FAM83F: variants seen among roughly 807,000 people sequenced by gnomAD.
FAM83F encodes the protein scaffolding CK1 anchoring protein F, also known as protein FAM83F.
Under a neutral mutation model 42.9 loss-of-function variants are expected in FAM83F, and 45 were observed. That is an observed-to-expected ratio of 1.05 (90% confidence interval 0.83 to 1.35). FAM83F has a LOEUF of 1.35. FAM83F is among the 40% of genes most tolerant of loss of function. The pLI is 0.00. For missense variants in FAM83F, 617 were observed against 695.9 expected (o/e 0.89, Z 1.28); for synonymous variants, 306 against 298.3 (o/e 1.03, Z -0.27).
At position 40,024,514 on chromosome 22, in the gene FAM83F, C is replaced by T. The variant is rs559190158; in HGVS notation, c.1453+2551C>T. Among the ~76,000 whole-genome samples the T allele has an allele frequency of 5.1e-4, 77 of 152,322 alleles. No homozygotes were observed. The South Asian group carries it at 0.015, about 29-fold the overall frequency. On this transcript the variant is annotated intron_variant, in intron 4 of 4. Transcript: ENST00000333407. Reference sequence around the variant, plus strand: ...GGGCCCCCATGCAGGGAAAGTGTCCCCTTCCCCTGGTAAATGTTCAGAACC... The same window carrying T: ...GGGCCCCCATGCAGGGAAAGTGTCCTCTTCCCCTGGTAAATGTTCAGAACC...
At position 40,037,649 on chromosome 22, in the gene FAM83F, A is replaced by G. The variant is rs1226440371; in HGVS notation, c.*8084A>G. The G allele has an allele frequency of 6.6e-6, 1 of 152,158 alleles. No individual in the cohort carries two copies. The highest frequency in any genetic ancestry group is 1.9e-4 in the East Asian group (1 of 5,202). 9.4% of individuals were successfully genotyped at this position (152,158 alleles called of 1,614,324 possible). ...AGAAATTCTGGATTTGTTCTCACCC[A>G]TTTCATAAATGTACATAAGCACCCA... On this transcript the variant is annotated 3_prime_UTR_variant, in exon 5 of 5. Transcript: ENST00000333407.
Position 40,028,989 on chromosome 22 carries a change from G to A in FAM83F, c.1454-527G>A, listed in dbSNP as rs141050158. On this transcript the variant is annotated intron_variant, in intron 4 of 4. Transcript: ENST00000333407. ...CCTCAGCGGTAGAATGCGGCAGCCCGGGAGGGGAACCAGAGAGAAGGACCG... is the reference window on the plus strand; with the variant it reads ...CCTCAGCGGTAGAATGCGGCAGCCCAGGAGGGGAACCAGAGAGAAGGACCG... Among the ~76,000 whole-genome samples, 8 of 152,308 alleles carry A rather than the reference G, an allele frequency of 5.3e-5. No homozygotes were observed. In the East Asian group the frequency reaches 5.8e-4, roughly 11 times the overall value.
In FAM83F at chr22:40,001,268, C is replaced by A. The variant is rs574265238; in HGVS notation, c.489+5737C>A. ...CATCTGACCACTTACTCACTGTGTTCCCTTGAGCAAATCACCTCCCTCTCT... is the reference window on the plus strand; with the variant it reads ...CATCTGACCACTTACTCACTGTGTTACCTTGAGCAAATCACCTCCCTCTCT... On this transcript the variant is annotated intron_variant, in intron 1 of 4. Coordinates refer to ENST00000333407, the MANE Select transcript of FAM83F (RefSeq NM_138435.4). Among the ~76,000 whole-genome samples, 86 of 152,226 alleles carry A rather than the reference C, an allele frequency of 5.6e-4. 1 individual carries two copies. The highest frequency in any genetic ancestry group is 5.9e-4 in the Non-Finnish European group (40 of 68,020).
chr22:40,025,275 T>C (rs186073046), intron 4 of FAM83F, among the ~76,000 whole-genome samples: 30 of 152,008 alleles, frequency 2.0e-4, no homozygotes, highest in African/African-American at 7.2e-4. Context: ...TTTAATTAGC[T>C]GGGGGTAGTG....
intron 4 of FAM83F, among the ~76,000 whole-genome samples, chr22:40,028,992 A>C (rs948235808): frequency 3.3e-5 from 5 of 151,730 alleles, no homozygotes; most frequent in African/African-American, 1.2e-4. Flanking sequence ...GCAGCCCGGG[A>C]GGGGAACCAG....
Position 40,041,213 on chromosome 22 carries a change from C to T in FAM83F, c.*11648C>T, listed in dbSNP as rs2067648855. On this transcript the variant is annotated 3_prime_UTR_variant, in exon 5 of 5. Coordinates refer to ENST00000333407, the MANE Select transcript of FAM83F (RefSeq NM_138435.4). ...AGAGCGCTAAGAATAGCACAGCGCT[C>T]CAAGAACATAGTGCACTTGGCCTGC... The T allele has an allele frequency of 6.6e-6, 1 of 152,208 alleles. No homozygotes were observed. Among genetic ancestry groups the T allele is most frequent in the Non-Finnish European group, 1.5e-5 (1 of 68,060 alleles). The allele number at this position is 152,208 out of a possible 1,614,324, so 9.4% of individuals were successfully genotyped here.
rs761589998 is a variant in FAM83F, at chr22:40,036,517, AGTTT to A, written c.*6958_*6961del. On this transcript the variant is annotated 3_prime_UTR_variant, in exon 5 of 5. Coordinates refer to ENST00000333407, the MANE Select transcript of FAM83F (RefSeq NM_138435.4). Reference sequence around the variant, plus strand: ...AGTTTGTGGTGAAATAAACAATTTTAGTTTGTTTGGAGAATCTTTTGTATACAAA... The same window carrying A: ...AGTTTGTGGTGAAATAAACAATTTTAGTTTGGAGAATCTTTTGTATACAAA... The A allele has an allele frequency of 2.7e-4, 41 of 152,350 alleles. 2 individuals carry two copies. Among genetic ancestry groups the A allele is most frequent in the Admixed American group, 9.8e-4 (15 of 15,304 alleles). The allele number at this position is 152,350 out of a possible 1,614,324, so 9.4% of individuals were successfully genotyped here.
chr22:39,998,293 A>G (rs2067381135), intron 1 of FAM83F, among the ~76,000 whole-genome samples: 1 of 152,218 alleles, frequency 6.6e-6, no homozygotes, highest in African/African-American at 2.4e-5. Flanking sequence ...GGACATGCAC[A>G]CATCCAACTG....
intron 1 of FAM83F, among the ~76,000 whole-genome samples, chr22:39,996,566 A>G (rs1324945712): frequency 6.6e-6 from 1 of 152,224 alleles, no homozygotes; most frequent in Non-Finnish European, 1.5e-5. Flanking sequence ...CCAATTCAGA[A>G]TAATACAACA....
At chr22:40,024,311 T>G (rs1159684442) in intron 4 of FAM83F, among the ~76,000 whole-genome samples, 1 of 152,190 alleles carries the variant, frequency 6.6e-6, no homozygotes, top group Non-Finnish European at 1.5e-5. Context: ...GCTCCTCTCC[T>G]AAGAGGCCCT....
At chr22:40,028,330 T>C (rs939904554) in intron 4 of FAM83F, among the ~76,000 whole-genome samples, 16 of 152,206 alleles carry the variant, frequency 1.1e-4, no homozygotes, top group Non-Finnish European at 1.6e-4. Flanking sequence ...TGGGCTCTGT[T>C]CAGTGGGTCC....
In FAM83F at chr22:40,042,507, A is replaced by T. The variant is rs543994862; in HGVS notation, c.*12942A>T. 6.6e-6 allele frequency: 1 copy of T among 152,306 alleles called. No individual in the cohort carries two copies. Among genetic ancestry groups the T allele is most frequent in the East Asian group, 1.9e-4 (1 of 5,180 alleles). The allele number at this position is 152,306 out of a possible 1,614,324, so 9.4% of individuals were successfully genotyped here. A position where few individuals can be genotyped will look rare whatever the true frequency, so the allele number is the denominator to read the frequency against. ...GGAAGCCATTTCTGTCCCTCCCGAGATGGAGTCCCATGTCCCTACCATTTG... is the reference window on the plus strand; with the variant it reads ...GGAAGCCATTTCTGTCCCTCCCGAGTTGGAGTCCCATGTCCCTACCATTTG... On this transcript the variant is annotated 3_prime_UTR_variant, in exon 5 of 5. Transcript: ENST00000333407.
Position 40,030,545 on chromosome 22 carries a change from G to A in FAM83F, c.*980G>A, listed in dbSNP as rs775315600. ...GGGCTTCCAGGTTACACTTTGGCCA[G>A]ACTGGCCTTTGCCTCCTGCGAGAGT... On this transcript the variant is annotated 3_prime_UTR_variant, in exon 5 of 5. Coordinates refer to ENST00000333407, the MANE Select transcript of FAM83F (RefSeq NM_138435.4). 6.6e-6 allele frequency: 1 copy of A among 152,276 alleles called. No individual in the cohort carries two copies. Among genetic ancestry groups the A allele is most frequent in the Non-Finnish European group, 1.5e-5 (1 of 68,086 alleles). 9.4% of individuals were successfully genotyped at this position (152,276 alleles called of 1,614,324 possible). A position where few individuals can be genotyped will look rare whatever the true frequency, so the allele number is the denominator to read the frequency against.
chr22:40,007,669 TCC>T, intron 1 of FAM83F, among the ~76,000 whole-genome samples: 1 of 132,068 alleles, frequency 7.6e-6, no homozygotes, highest in African/African-American at 3.1e-5. Context: ...TCCTCTCCTC[TCC>T]TCCTCATTTC....
intron 4 of FAM83F, among the ~76,000 whole-genome samples, chr22:40,027,383 C>A (rs1446302117): frequency 2.6e-5 from 4 of 152,200 alleles, no homozygotes; most frequent in Non-Finnish European, 5.9e-5. Flanking sequence ...GACTGCAGGT[C>A]CCGAGTGCCC....
chr22:40,029,933 A>G lies in FAM83F; in HGVS notation c.*368A>G. ...GGGGTGGGGTGTCTGGGGCAGCTGC[A>G]GTGGCTTCTCCTTTCCCAGGCTTCC... On this transcript the variant is annotated 3_prime_UTR_variant, in exon 5 of 5. Transcript: ENST00000333407. 1 of 183,770 alleles carries G rather than the reference A, an allele frequency of 5.4e-6. No individual in the cohort carries two copies. Among genetic ancestry groups the G allele is most frequent in the East Asian group, 1.5e-4 (1 of 6,842 alleles). 11.4% of individuals were successfully genotyped at this position (183,770 alleles called of 1,614,324 possible).
At chr22:40,003,035 G>A (rs1315613460) in intron 1 of FAM83F, among the ~76,000 whole-genome samples, 1 of 152,072 alleles carries the variant, frequency 6.6e-6, no homozygotes, top group African/African-American at 2.4e-5. Context: ...TTGTCCTCTG[G>A]GGCCATCTCT....
At position 40,033,900 on chromosome 22, in the gene FAM83F, T is replaced by C. The variant is rs2067605005; in HGVS notation, c.*4335T>C. 1 of 152,170 alleles carries C rather than the reference T, an allele frequency of 6.6e-6. No homozygotes were observed. The highest frequency in any genetic ancestry group is 1.5e-5 in the Non-Finnish European group (1 of 68,024). 9.4% of individuals were successfully genotyped at this position (152,170 alleles called of 1,614,324 possible). A position where few individuals can be genotyped will look rare whatever the true frequency, so the allele number is the denominator to read the frequency against. On this transcript the variant is annotated 3_prime_UTR_variant, in exon 5 of 5. Coordinates refer to ENST00000333407, the MANE Select transcript of FAM83F (RefSeq NM_138435.4). Reference sequence around the variant, plus strand: ...TTTCTTAGTTCTTTACCACCTTATATTCCCCATGACAGGTGTGTTTATGTA... The same window carrying C: ...TTTCTTAGTTCTTTACCACCTTATACTCCCCATGACAGGTGTGTTTATGTA...
At chr22:39,996,067 C>T (rs1378032350) in intron 1 of FAM83F, among the ~76,000 whole-genome samples, 1 of 152,156 alleles carries the variant, frequency 6.6e-6, no homozygotes, top group Non-Finnish European at 1.5e-5. Context: ...TCTCCTGGGC[C>T]GGGTACTAGG....
Sources: allele counts gnomAD v4.1 joint callset (sites outside exome capture counted in the v4.1 genomes callset), GRCh38; gene constraint gnomAD v4.1.1; transcripts MANE v1.5; gene names NCBI Gene and HGNC (gene_info 2026-07-23, HGNC 2026-07-21).